CFTR: variants seen among roughly 807,000 people sequenced by gnomAD.
CFTR encodes the protein CF transmembrane conductance regulator.
Under a neutral mutation model 171.6 loss-of-function variants are expected in CFTR, and 181 were observed. The observed-to-expected ratio is 1.05, with a 90% confidence interval of 0.93 to 1.19. The LOEUF is 1.19. CFTR is among the 50% of genes most tolerant of loss of function. The pLI is 0.00. For synonymous variants in CFTR, 583 were observed against 608.0 expected, an observed-to-expected ratio of 0.96 and a Z score of 0.60; for missense variants, 1,968 against 1,734.7, an observed-to-expected ratio of 1.13 and a Z score of -2.39.
At chr7:117,510,535 G>A (rs1798500963) in intron 3 of CFTR, among the ~76,000 whole-genome samples, 1 of 152,172 alleles carries the variant, frequency 6.6e-6, no homozygotes, top group Non-Finnish European at 1.5e-5. Context: ...TCTCCTGGTT[G>A]TGTTCTCCAT....
At chr7:117,535,121 G>A in intron 5 of CFTR, 127 bp from the exon 6 acceptor site, 1 of 941,916 alleles carries the variant, frequency 1.1e-6, no homozygotes, top group Non-Finnish European at 1.7e-6. Context: ...AGATTTTAGT[G>A]TGCTCAGAAC....
chr7:117,550,204 TGG>T (rs1032952286), intron 10 of CFTR, among the ~76,000 whole-genome samples: 1 of 151,788 alleles, frequency 6.6e-6, no homozygotes, highest in Non-Finnish European at 1.5e-5. Flanking sequence ...TAGCTGGGTG[TGG>T]TGGTGTGTGC....
intron 20 of CFTR, 63 bp from the exon 21 acceptor site, chr7:117,614,550 T>G: frequency 9.8e-7 from 1 of 1,018,646 alleles, no homozygotes; most frequent in East Asian, 2.4e-5. Flanking sequence ...GAAGTGTGAA[T>G]AAAGTCGTTC....
intron 21 of CFTR, among the ~76,000 whole-genome samples, chr7:117,617,487 A>G (rs1385910422): frequency 6.6e-6 from 1 of 152,084 alleles, no homozygotes; most frequent in Non-Finnish European, 1.5e-5. Context: ...ATATTCCCTA[A>G]GATAGCTTTT....
At chr7:117,658,555 C>G (rs1793216499) in intron 24 of CFTR, among the ~76,000 whole-genome samples, 1 of 152,122 alleles carries the variant, frequency 6.6e-6, no homozygotes, top group African/African-American at 2.4e-5. Flanking sequence ...CACCTGATAT[C>G]TCAGCACATG....
intron 3 of CFTR, among the ~76,000 whole-genome samples, chr7:117,516,389 A>G (rs1225324479): frequency 6.6e-6 from 1 of 152,170 alleles, no homozygotes; most frequent in Non-Finnish European, 1.5e-5. Flanking sequence ...ACAGTATACC[A>G]TCTTTACCGT....
chr7:117,638,367 ACC>A (rs1792858716), intron 22 of CFTR, among the ~76,000 whole-genome samples: 2 of 152,084 alleles, frequency 1.3e-5, no homozygotes, highest in Non-Finnish European at 2.9e-5. Flanking sequence ...TTAGCATGTT[ACC>A]TATCTTAACA....
intron 1 of CFTR, among the ~76,000 whole-genome samples, chr7:117,495,057 T>C (rs745835816): frequency 6.6e-6 from 1 of 152,154 alleles, no homozygotes; most frequent in Non-Finnish European, 1.5e-5. Context: ...ATTTCCCCTT[T>C]TCCTTATTTT....
intron 10 of CFTR, among the ~76,000 whole-genome samples, chr7:117,551,621 A>G (rs1406395661): frequency 6.6e-6 from 1 of 152,234 alleles, no homozygotes; most frequent in Non-Finnish European, 1.5e-5. Flanking sequence ...TATTATAGAA[A>G]TTTAACTGAA....
chr7:117,622,347 C>T (rs369092477), intron 21 of CFTR, among the ~76,000 whole-genome samples: 1 of 152,054 alleles, frequency 6.6e-6, no homozygotes, highest in Non-Finnish European at 1.5e-5. Context: ...AAAGATTATG[C>T]TAATGGATCT....
At chr7:117,501,203 G>A (rs1222195782) in intron 1 of CFTR, among the ~76,000 whole-genome samples, 1 of 152,086 alleles carries the variant, frequency 6.6e-6, no homozygotes, top group Non-Finnish European at 1.5e-5. Context: ...AATAGTGGGA[G>A]CACATTTTCC....
chr7:117,519,251 T>G (rs1012689460), intron 3 of CFTR, among the ~76,000 whole-genome samples: 1 of 152,136 alleles, frequency 6.6e-6, no homozygotes, highest in Non-Finnish European at 1.5e-5. Context: ...ACCTCTTAAT[T>G]CTTCAGTGGA....
chr7:117,641,597 G>A (rs1211681498), intron 22 of CFTR, among the ~76,000 whole-genome samples: 1 of 152,132 alleles, frequency 6.6e-6, no homozygotes, highest in Non-Finnish European at 1.5e-5. Flanking sequence ...GTTAATGACT[G>A]CAGTAGTGTT....
rs1245984418 is a variant in CFTR at position 117,557,677 on chromosome 7, C to CT, written c.1393-1780dup. Among the ~76,000 whole-genome samples, 4 of 151,994 alleles carry CT rather than the reference C, an allele frequency of 2.6e-5. 1 individual carries two copies. In the East Asian group the frequency reaches 5.8e-4, roughly 22 times the overall value. On this transcript the variant is annotated intron_variant, in intron 10 of 26. Coordinates refer to ENST00000003084, the MANE Select transcript of CFTR (RefSeq NM_000492.4). ...TATGTCTAACATGAAAATTATAGTC[C>CT]TTTTTTTGTTTCTTTGTTTGTATTT...
At chr7:117,642,919 G>C (rs544310766) in intron 23 of CFTR, among the ~76,000 whole-genome samples, 1 of 152,250 alleles carries the variant, frequency 6.6e-6, no homozygotes, top group South Asian at 2.1e-4. Context: ...GCAATCGCCA[G>C]GTTGAGAAAT....
chr7:117,602,573 G>C (rs1446627388), intron 15 of CFTR, among the ~76,000 whole-genome samples: 1 of 152,198 alleles, frequency 6.6e-6, no homozygotes, highest in African/African-American at 2.4e-5. Flanking sequence ...GAGTAAAGGA[G>C]AGAAATGGCA....
At chr7:117,490,092 A>G (rs1210148299) in intron 1 of CFTR, among the ~76,000 whole-genome samples, 3 of 151,958 alleles carry the variant, frequency 2.0e-5, no homozygotes, top group African/African-American at 7.3e-5. Flanking sequence ...AGAAGCATGT[A>G]CTTTGGAATC....
At chr7:117,605,706 C>T (rs958168753) in intron 17 of CFTR, among the ~76,000 whole-genome samples, 2 of 151,814 alleles carry the variant, frequency 1.3e-5, no homozygotes, top group East Asian at 1.9e-4. Flanking sequence ...TGGAGGGAAC[C>T]GCATGTGGAA....
At chr7:117,548,014 A>C (rs1239735969) in intron 9 of CFTR, among the ~76,000 whole-genome samples, 1 of 152,216 alleles carries the variant, frequency 6.6e-6, no homozygotes, top group African/African-American at 2.4e-5. Context: ...ATAGTGAGGC[A>C]AGGAATTTTT....
Sources: gnomAD v4.1 joint callset for allele counts (sites outside exome capture counted in the v4.1 genomes callset) on GRCh38, gnomAD v4.1.1 for gene constraint, MANE v1.5 for transcripts, NCBI Gene and HGNC (gene_info 2026-07-23, HGNC 2026-07-21) for gene names.